The following PTPRO variants were observed in gnomAD, a reference collection of about 807,000 sequenced individuals.
PTPRO encodes protein tyrosine phosphatase receptor type O, also known as receptor-type tyrosine-protein phosphatase O.
PTPRO carries 62 observed loss-of-function variants against 145.2 expected under a neutral mutation model. The ratio of observed to expected loss-of-function variants is 0.43; its 90% CI spans 0.35 to 0.53. PTPRO has a LOEUF of 0.53. Among genes scored for constraint, PTPRO ranks in the 20% least tolerant of loss-of-function variants. The probability of loss-of-function intolerance (pLI) is 0.01; values close to 1 mark genes in which losing one functional copy is unlikely to be tolerated. For synonymous variants in PTPRO, 565 were observed against 514.7 expected (o/e 1.10, Z -1.32); for missense variants, 1,345 against 1,482.7 (o/e 0.91, Z 1.53).
intron 1 of PTPRO, among the ~76,000 whole-genome samples, chr12:15,419,459 G>A (rs1330781901): frequency 1.3e-5 from 2 of 151,556 alleles, no homozygotes; most frequent in East Asian, 1.9e-4. Flanking sequence ...ATTTCATTAC[G>A]CATAAGAAGT....
rs755582546 is a variant in PTPRO, at chr12:15,524,950, G to C, written c.2028G>C (p.Lys676Asn). ...GGATGGTGGTTGCAGAAGGAAAAAA[G>C]AAAATTAAAAAGAGTGTATGTTTCT... is the stretch of plus-strand genomic sequence containing the variant. ...LHWMVVAEGKKKIKKSVTRNV... is the reference protein window; with the variant it reads ...LHWMVVAEGKNKIKKSVTRNV... Residue 676 changes from lysine (K) to asparagine (N), a missense_variant, in exon 11 of 27, where the codon AAG becomes AAC. Physicochemically the swap from Lys to Asn is moderately conservative, Grantham distance 94. Transcript: ENST00000281171. 10 of 1,613,800 alleles carry C rather than the reference G, an allele frequency of 6.2e-6. No individual in the cohort carries two copies. Among genetic ancestry groups the C allele is most frequent in the Non-Finnish European group, 8.5e-6 (10 of 1,179,938 alleles).
intron 7 of PTPRO, among the ~76,000 whole-genome samples, chr12:15,512,820 C>A (rs1297406773): frequency 6.6e-6 from 1 of 151,896 alleles, no homozygotes; most frequent in Non-Finnish European, 1.5e-5. Context: ...ATAATGAAAC[C>A]CTGTCTCTAC....
At chr12:15,515,731 T>C in intron 8 of PTPRO, 113 bp downstream of exon 8, 1 of 1,332,290 alleles carries the variant, frequency 7.5e-7, no homozygotes, top group Non-Finnish European at 1.1e-6. Flanking sequence ...CCATATTAGT[T>C]CATCCAATAT....
chr12:15,389,516 C>G (rs561989166), intron 1 of PTPRO, among the ~76,000 whole-genome samples: 6 of 152,220 alleles, frequency 3.9e-5, no homozygotes, highest in Admixed American at 1.3e-4. Context: ...TCTTTGTATT[C>G]AGGGGGCTCA....
intron 1 of PTPRO, among the ~76,000 whole-genome samples, chr12:15,418,472 T>C (rs1482330088): frequency 2.0e-5 from 3 of 151,684 alleles, no homozygotes; most frequent in African/African-American, 7.3e-5. Context: ...GCTCCTGAGG[T>C]ATAGATACTG....
intron 1 of PTPRO, among the ~76,000 whole-genome samples, chr12:15,370,416 T>C (rs781093651): frequency 5.3e-5 from 8 of 152,208 alleles, no homozygotes; most frequent in Non-Finnish European, 8.8e-5. Context: ...AAAGTCATAA[T>C]TGCAAATTAA....
chr12:15,536,317 C>T (rs1330589611), intron 12 of PTPRO, among the ~76,000 whole-genome samples: 1 of 152,098 alleles, frequency 6.6e-6, no homozygotes, highest in African/African-American at 2.4e-5. Flanking sequence ...GAGTAAGTGT[C>T]ACTGTGAAGG....
At chr12:15,385,240 A>G (rs1431124547) in intron 1 of PTPRO, among the ~76,000 whole-genome samples, 1 of 152,156 alleles carries the variant, frequency 6.6e-6, no homozygotes, top group Non-Finnish European at 1.5e-5. Context: ...CTTTAAAATG[A>G]ATGAATGAGC....
At chr12:15,374,411 T>TA (rs59164483) in intron 1 of PTPRO, among the ~76,000 whole-genome samples, 32 of 151,994 alleles carry the variant, frequency 2.1e-4, no homozygotes, top group Non-Finnish European at 3.8e-4. Flanking sequence ...TTTTATTTAT[T>TA]AAAAAAACTG....
At chr12:15,435,304 C>G (rs1258693013) in intron 1 of PTPRO, among the ~76,000 whole-genome samples, 1 of 152,062 alleles carries the variant, frequency 6.6e-6, no homozygotes, top group Non-Finnish European at 1.5e-5. Context: ...CATAGCTTCA[C>G]AAAACACAAT....
intron 16 of PTPRO, among the ~76,000 whole-genome samples, chr12:15,558,946 T>G (rs978960580): frequency 1.3e-5 from 2 of 152,160 alleles, no homozygotes; most frequent in Non-Finnish European, 2.9e-5. Context: ...CATCAACCCT[T>G]GATGGTGAAA....
Position 15,542,073 on chromosome 12 carries a change from C to G in PTPRO, c.2165-4496C>G, listed in dbSNP as rs76088246. Reference sequence around the variant, plus strand: ...TAGGGTTTCAGCATATGAATTTAGGCGGAGGGGATATAATTCATCCCATAA... The same window carrying G: ...TAGGGTTTCAGCATATGAATTTAGGGGGAGGGGATATAATTCATCCCATAA... On this transcript the variant is annotated intron_variant, in intron 12 of 26. Coordinates refer to ENST00000281171, the MANE Select transcript of PTPRO (RefSeq NM_030667.3). Among the ~76,000 whole-genome samples, 209 of 152,040 alleles carry G rather than the reference C, an allele frequency of 1.4e-3. 2 individuals carry two copies. The East Asian group carries it at 0.038, about 28-fold the overall frequency.
intron 1 of PTPRO, among the ~76,000 whole-genome samples, chr12:15,472,660 T>C (rs1402720548): frequency 1.3e-5 from 2 of 152,224 alleles, no homozygotes; most frequent in African/African-American, 2.4e-5. Flanking sequence ...TCCGTGGCAC[T>C]GAACAGTTCT....
rs142585226 is a variant in PTPRO, at chr12:15,499,494, T to C, written c.561T>C (p.Tyr187=). The C allele has an allele frequency of 4.1e-4, 662 of 1,613,480 alleles. 1 individual carries two copies. Among genetic ancestry groups the C allele is most frequent in the Non-Finnish European group, 5.3e-4 (629 of 1,179,546 alleles). Residue 187 remains tyrosine, a synonymous_variant, in exon 4 of 27, where the codon TAT becomes TAC. Coordinates refer to ENST00000281171, the MANE Select transcript of PTPRO (RefSeq NM_030667.3). ...VFNHWLPGMC[Y]SNITFQLVSE... is the part of the protein sequence containing the mutation. ...ATCACTGGCTGCCAGGAATGTGTTATAGTAATATCACCTTTCAGCTGGTAT... is the reference window on the plus strand; with the variant it reads ...ATCACTGGCTGCCAGGAATGTGTTACAGTAATATCACCTTTCAGCTGGTAT...
chr12:15,458,988 C>T (rs937550320), intron 1 of PTPRO, among the ~76,000 whole-genome samples: 1 of 152,102 alleles, frequency 6.6e-6, no homozygotes, highest in African/African-American at 2.4e-5. Context: ...AAGACCTTCA[C>T]CTATCAGCCT....
At chr12:15,348,761 C>T (rs887174971) in intron 1 of PTPRO, 2 of 151,126 alleles carry the variant, frequency 1.3e-5, no homozygotes, top group Non-Finnish European at 2.9e-5. Context: ...GCATTCCACC[C>T]TGGGCGACAG....
chr12:15,553,984 C>T (rs897538606), intron 15 of PTPRO, among the ~76,000 whole-genome samples: 2 of 152,164 alleles, frequency 1.3e-5, no homozygotes, highest in Non-Finnish European at 2.9e-5. Context: ...CACCTGAAGT[C>T]GGGAGTTCGA....
At chr12:15,424,127 G>T (rs1940219650) in intron 1 of PTPRO, among the ~76,000 whole-genome samples, 1 of 152,136 alleles carries the variant, frequency 6.6e-6, no homozygotes, top group African/African-American at 2.4e-5. Context: ...AATAAATGTT[G>T]CAAGAATATG....
intron 10 of PTPRO, among the ~76,000 whole-genome samples, chr12:15,524,041 C>A: frequency 6.6e-6 from 1 of 151,774 alleles, no homozygotes; most frequent in Non-Finnish European, 1.5e-5. Flanking sequence ...AGCGATCCAC[C>A]CACCTCAGCT....
Sources: gnomAD v4.1 joint callset for allele counts (sites outside exome capture counted in the v4.1 genomes callset) on GRCh38, gnomAD v4.1.1 for gene constraint, MANE v1.5 for transcripts, NCBI Gene and HGNC (gene_info 2026-07-23, HGNC 2026-07-21) for gene names.